The following TUBB8 variants were observed in gnomAD, a reference collection of about 807,000 sequenced individuals.
TUBB8 encodes tubulin beta 8 class VIII, also known as tubulin beta-8 chain.
A neutral mutation model predicts 33.7 loss-of-function variants in TUBB8; 25 were observed. The observed-to-expected ratio is 0.74, with a 90% CI of 0.54 to 1.04. The LOEUF (loss-of-function observed/expected upper bound fraction) is 1.04. Ranked by LOEUF, TUBB8 falls within the 50% of genes least tolerant of loss-of-function variation. TUBB8 has a pLI of 0.00. For synonymous variants in TUBB8, 245 were observed against 240.1 expected, an observed-to-expected ratio of 1.02 and a Z score of -0.19; for missense variants, 279 against 608.0, an observed-to-expected ratio of 0.46 and a Z score of 5.69.
chr10:56,469 T>TGTACAGAAAGCACAG (rs1834532369), intron 1 of TUBB8, among the ~76,000 whole-genome samples: 2 of 152,284 alleles, frequency 1.3e-5, no homozygotes, highest in Non-Finnish European at 2.9e-5. Flanking sequence ...TTCTACAGGC[T>TGTACAGAAAGCACAG]GTACAGAAAG....
rs1173328242 is a variant in TUBB8, at chr10:49,096, G to A, written c.57+86C>T. The stretch of plus-strand genomic sequence containing the variant: ...CGGCAGGGAGCCCAGGGGCCGCAAT[G>A]CATGGGCACCGCCCCCGCCACTGCC... On this transcript the variant is annotated intron_variant, in intron 1 of 3. Coordinates refer to ENST00000568584, the MANE Select transcript of TUBB8 (RefSeq NM_177987.3). 1.4e-5 allele frequency: 20 copies of A among 1,435,048 alleles called. No individual in the cohort carries two copies. In the Admixed American group the frequency reaches 2.0e-4, roughly 14 times the overall value. 88.9% of individuals were successfully genotyped at this position (1,435,048 alleles called of 1,614,324 possible).
At chr10:63,730 C>T in intron 1 of TUBB8, among the ~76,000 whole-genome samples, 1 of 152,178 alleles carries the variant, frequency 6.6e-6, no homozygotes, top group East Asian at 1.9e-4. Context: ...CCTCAACCAG[C>T]TATTTTGGAT....
upstream of TUBB8, chr10:49,959 C>G (rs1311816450): frequency 1.2e-5 from 2 of 163,738 alleles, no homozygotes; most frequent in Non-Finnish European, 2.6e-5. Flanking sequence ...ATTACCCAAA[C>G]TGAGGAGTTA....
At chr10:71,498 G>A (rs1462384148) in intron 1 of TUBB8, among the ~76,000 whole-genome samples, 2 of 151,808 alleles carry the variant, frequency 1.3e-5, no homozygotes, top group Non-Finnish European at 2.9e-5. Context: ...CCGCATGCCT[G>A]TAATCCCAGC....
At chr10:56,531 G>T (rs1456142147) in intron 1 of TUBB8, among the ~76,000 whole-genome samples, 11 of 152,218 alleles carry the variant, frequency 7.2e-5, no homozygotes, top group Non-Finnish European at 1.0e-4. Context: ...GACAATCAAG[G>T]TGAAAAATAA....
chr10:76,475 C>A (rs868996183), upstream of TUBB8, among the ~76,000 whole-genome samples: 1 of 152,104 alleles, frequency 6.6e-6, no homozygotes, highest in Non-Finnish European at 1.5e-5. Flanking sequence ...CACTTTCTCC[C>A]CGGCGGCCCC....
intron 1 of TUBB8, among the ~76,000 whole-genome samples, chr10:65,090 A>G (rs1442051655): frequency 6.6e-6 from 1 of 152,148 alleles, no homozygotes; most frequent in Non-Finnish European, 1.5e-5. Flanking sequence ...GGAGGTTGCT[A>G]TAAGCCAAGA....
Position 48,258 on chromosome 10 carries a change from CAG to C in TUBB8, c.278-146_278-145del, listed in dbSNP as rs1433921505. ...GTGGAGCAGATGAAACCCCCTCCCC[CAG>C]AGTTACAGGACAGCAGCTTCCCCTG... On this transcript the variant is annotated intron_variant, in intron 3 of 3. Transcript: ENST00000568584. 4.1e-5 allele frequency: 40 copies of C among 967,256 alleles called. No homozygotes were observed. In the East Asian group the frequency reaches 9.7e-4, roughly 23 times the overall value. 59.9% of individuals were successfully genotyped at this position (967,256 alleles called of 1,614,324 possible).
intron 1 of TUBB8, among the ~76,000 whole-genome samples, chr10:58,388 T>C (rs28455503): frequency 8.3e-4 from 126 of 151,274 alleles, no homozygotes; most frequent in African/African-American, 2.8e-3. Flanking sequence ...CTTATAACAA[T>C]TTTCCACTCC....
rs572005912 is a variant in TUBB8 at position 48,353 on chromosome 10, A to T, written c.278-239T>A. 1,005 of 629,272 alleles carry T rather than the reference A, an allele frequency of 1.6e-3. 5 individuals are homozygous for T. The African/African-American group carries it at 0.017, about 10-fold the overall frequency. 39.0% of individuals were successfully genotyped at this position (629,272 alleles called of 1,614,324 possible). ...ACCTCGCTGCAGGTGGCTCCTGCCCATTCTCAGGAAAGGCAGTAGCCACGG... is the reference window on the plus strand; with the variant it reads ...ACCTCGCTGCAGGTGGCTCCTGCCCTTTCTCAGGAAAGGCAGTAGCCACGG... On this transcript the variant is annotated intron_variant, in intron 3 of 3. Transcript: ENST00000568584.
chr10:55,004 C>T (rs1366413650), intron 1 of TUBB8, among the ~76,000 whole-genome samples: 1 of 152,186 alleles, frequency 6.6e-6, no homozygotes, highest in Non-Finnish European at 1.5e-5. Flanking sequence ...GATCCACCCA[C>T]CGCTGCCTCC....
intron 1 of TUBB8, among the ~76,000 whole-genome samples, chr10:68,273 C>T (rs1170414290): frequency 3.3e-5 from 5 of 152,196 alleles, no homozygotes; most frequent in Non-Finnish European, 5.9e-5. Context: ...TCATATGACA[C>T]CCATAATACT....
At chr10:50,040 C>T (rs1554739339), upstream of TUBB8, 1 of 154,010 alleles carries the variant, frequency 6.5e-6, no homozygotes, top group African/African-American at 2.4e-5. Context: ...TGTCAGTAAG[C>T]ATTAGCAAAT....
At chr10:75,495 A>ACT (rs1834799528), upstream of TUBB8, among the ~76,000 whole-genome samples, 1 of 150,794 alleles carries the variant, frequency 6.6e-6, no homozygotes, top group Admixed American at 6.6e-5. Flanking sequence ...TCCCTACTAA[A>ACT]AATACAAAAA....
At chr10:75,849 C>T (rs1347598083), upstream of TUBB8, among the ~76,000 whole-genome samples, 1 of 151,876 alleles carries the variant, frequency 6.6e-6, no homozygotes, top group Non-Finnish European at 1.5e-5. Context: ...CTTAAAACAC[C>T]AAGCACTGGC....
intron 1 of TUBB8, among the ~76,000 whole-genome samples, chr10:57,303 TG>T (rs1834544291): frequency 6.6e-6 from 1 of 152,224 alleles, no homozygotes; most frequent in Admixed American, 6.5e-5. Flanking sequence ...TTCTGGGGTC[TG>T]GAGGACAGTG....
intron 1 of TUBB8, among the ~76,000 whole-genome samples, chr10:71,318 A>G (rs1447131281): frequency 2.6e-5 from 4 of 152,098 alleles, no homozygotes; most frequent in East Asian, 3.9e-4. Context: ...GCATCTCAAA[A>G]AAAAAGAAAA....
At chr10:74,625 C>CAAAAAAAAAAAAAAA (rs35723619), upstream of TUBB8, among the ~76,000 whole-genome samples, 1 of 89,678 alleles carries the variant, frequency 1.1e-5, no homozygotes, top group Non-Finnish European at 2.2e-5. Flanking sequence ...GACTCAGTAT[C>CAAAAAAAAAAAAAAA]AAAAAAAAAA....
At chr10:58,235 T>C (rs1310125014) in intron 1 of TUBB8, among the ~76,000 whole-genome samples, 2 of 152,268 alleles carry the variant, frequency 1.3e-5, no homozygotes, top group African/African-American at 4.8e-5. Flanking sequence ...TCCAGATCAC[T>C]ATCAGCATTT....
Sources: allele counts gnomAD v4.1 joint callset (sites outside exome capture counted in the v4.1 genomes callset), GRCh38; gene constraint gnomAD v4.1.1; transcripts MANE v1.5; gene names NCBI Gene and HGNC (gene_info 2026-07-23, HGNC 2026-07-21).